The following TRPA1 variants were observed in gnomAD, a reference collection of about 807,000 sequenced individuals.
The protein encoded by TRPA1 is transient receptor potential cation channel subfamily A member 1.
Under a neutral mutation model 131.3 loss-of-function variants are expected in TRPA1, and 129 were observed. The ratio of observed to expected loss-of-function variants is 0.98; its 90% confidence interval spans 0.85 to 1.14. TRPA1 has a LOEUF of 1.14. TRPA1 is among the 50% of genes most tolerant of loss of function. The probability of loss-of-function intolerance (pLI) is 0.00; values close to 1 mark genes in which losing one functional copy is unlikely to be tolerated. For missense variants in TRPA1, 1,304 were observed against 1,354.2 expected, an observed-to-expected ratio of 0.96 and a Z score of 0.58; for synonymous variants, 441 against 451.7, an observed-to-expected ratio of 0.98 and a Z score of 0.30.
chr8:72,084,856 C>T, the TRPA1 span, among the ~76,000 whole-genome samples: 3 of 151,616 alleles, frequency 2.0e-5, no homozygotes, highest in African/African-American at 4.8e-5. Context: ...TTCATTCTGT[C>T]GGCCAGGCTG....
chr8:72,050,773 T>C lies in TRPA1; in HGVS notation c.1905+5A>G. ...CCGGGAAGAATTTTGTTTTAGAGAATTTACCTTCATGCATTCAGGGAGGTA... is the reference window on the plus strand; with the variant it reads ...CCGGGAAGAATTTTGTTTTAGAGAACTTACCTTCATGCATTCAGGGAGGTA... On this transcript the variant is annotated splice_donor_5th_base_variant and intron_variant, in intron 15 of 26. Transcript: ENST00000262209. The C allele has an allele frequency of 6.3e-7, 1 of 1,595,920 alleles. No individual in the cohort carries two copies. The highest frequency in any genetic ancestry group is 1.3e-5 in the African/African-American group (1 of 74,622).
At chr8:72,074,397 A>G (rs766186008) in intron 1 of TRPA1, among the ~76,000 whole-genome samples, 3 of 152,228 alleles carry the variant, frequency 2.0e-5, no homozygotes, top group Non-Finnish European at 4.4e-5. Context: ...TTGCAAATAA[A>G]ACAAGATCTA....
intron 24 of TRPA1, 146 bp from the exon 25 acceptor site, chr8:72,026,219 C>G: frequency 1.5e-6 from 1 of 670,998 alleles, no homozygotes; most frequent in Non-Finnish European, 2.6e-6. Context: ...GCCAGGCTTT[C>G]TTATCCCCTA....
chr8:72,084,952 G>A, the TRPA1 span, among the ~76,000 whole-genome samples: 5 of 151,940 alleles, frequency 3.3e-5, no homozygotes, highest in African/African-American at 1.2e-4. Context: ...CCCGGCCAGT[G>A]ATAAAATTTT....
At chr8:72,035,443 G>A (rs1330517383) in intron 21 of TRPA1, among the ~76,000 whole-genome samples, 1 of 152,136 alleles carries the variant, frequency 6.6e-6, no homozygotes, top group Admixed American at 6.5e-5. Flanking sequence ...CATGCTTCCT[G>A]GAGTCAGAAA....
rs555676266 is a variant in TRPA1, at chr8:72,063,198, G to A, written c.662-254C>T. On this transcript the variant is annotated intron_variant, in intron 5 of 26. Transcript: ENST00000262209. Reference sequence around the variant, plus strand: ...AGATCGAGACCAGCCTGGCCAACACGGTGAAACCCCATCCCTACTAAAAAT... The same window carrying A: ...AGATCGAGACCAGCCTGGCCAACACAGTGAAACCCCATCCCTACTAAAAAT... 9.2e-5 allele frequency among the ~76,000 whole-genome samples: 14 copies of A among 152,056 alleles called. No individual in the cohort carries two copies. In the South Asian group the frequency reaches 1.9e-3, roughly 20 times the overall value.
intron 10 of TRPA1, chr8:72,056,306 T>C (rs1446056552): frequency 1.7e-5 from 3 of 178,196 alleles, no homozygotes; most frequent in Non-Finnish European, 3.6e-5. Flanking sequence ...AAATAAAAAA[T>C]GAATGATAAA....
Position 72,034,240 on chromosome 8 carries a change from T to G in TRPA1, c.2685+8A>C. The stretch of plus-strand genomic sequence containing the variant: ...CGACAAAATCAACTACTGATGTAAC[T>G]GTCTTACCTGTAAATTCAGGAGGAT... On this transcript the variant is annotated splice_region_variant and intron_variant, in intron 22 of 26. Coordinates refer to ENST00000262209, the MANE Select transcript of TRPA1 (RefSeq NM_007332.3). 1 of 1,602,194 alleles carries G rather than the reference T, an allele frequency of 6.2e-7. No homozygotes were observed. The highest frequency in any genetic ancestry group is 8.5e-7 in the Non-Finnish European group (1 of 1,175,438).
chr8:72,026,560 G>A (rs1055719749), intron 24 of TRPA1, among the ~76,000 whole-genome samples: 3 of 152,164 alleles, frequency 2.0e-5, no homozygotes. Context: ...GAAGACAAAG[G>A]TAAGCAGTAA....
Position 72,039,005 on chromosome 8 carries a change from G to A in TRPA1, c.2155C>T (p.His719Tyr). 6.2e-7 allele frequency: 1 copy of A among 1,612,664 alleles called. No individual in the cohort carries two copies. Among genetic ancestry groups the A allele is most frequent in the Non-Finnish European group, 8.5e-7 (1 of 1,179,272 alleles). The change falls in exon 19 of 27, where the codon CAT becomes TAT. Residue 719 changes from histidine (H) to tyrosine (Y), a missense_variant. His to Tyr is a moderately conservative substitution (Grantham distance 83, BLOSUM62 2). Coordinates refer to ENST00000262209, the MANE Select transcript of TRPA1 (RefSeq NM_007332.3). ...CAGTAAGATCCTAAATTCATCATAT[G>A]AGCTCTAAATCCATAAGCCAACCTA... ...MKWLAYGFRA[H>Y]MMNLGSYCLG...
Position 72,075,446 on chromosome 8 carries a change from A to G in TRPA1, c.-37T>C. ...CGGACGCCACCTGGTGCAGCTGCTCACCACGCGCGCGGGCACCTGGGGCGA... is the reference window on the plus strand; with the variant it reads ...CGGACGCCACCTGGTGCAGCTGCTCGCCACGCGCGCGGGCACCTGGGGCGA... On this transcript the variant is annotated 5_prime_UTR_variant, in exon 1 of 27. Transcript: ENST00000262209. The G allele has an allele frequency of 6.5e-7, 1 of 1,544,426 alleles. No individual in the cohort carries two copies. Among genetic ancestry groups the G allele is most frequent in the South Asian group, 1.1e-5 (1 of 89,796 alleles).
chr8:72,026,520 C>T (rs139648735), intron 24 of TRPA1, among the ~76,000 whole-genome samples: 193 of 152,180 alleles, frequency 1.3e-3, no homozygotes, highest in African/African-American at 4.2e-3. Context: ...ACATCTAGGG[C>T]AGGAGAGAAG....
chr8:72,078,659 T>C (rs1178020520), upstream of TRPA1, among the ~76,000 whole-genome samples: 1 of 152,126 alleles, frequency 6.6e-6, no homozygotes, highest in Non-Finnish European at 1.5e-5. Flanking sequence ...ATTTATCAGT[T>C]GGTAGACATT....
chr8:72,067,481 T>C (rs2129436477), intron 3 of TRPA1, among the ~76,000 whole-genome samples: 1 of 152,272 alleles, frequency 6.6e-6, no homozygotes, highest in Non-Finnish European at 1.5e-5. Flanking sequence ...TATGAATCAG[T>C]TGGGAGCTTT....
intron 3 of TRPA1, among the ~76,000 whole-genome samples, chr8:72,067,350 T>C (rs1805956523): frequency 1.3e-5 from 2 of 152,172 alleles, no homozygotes; most frequent in Admixed American, 1.3e-4. Flanking sequence ...TCTGAAAATA[T>C]TTTTACACAT....
At chr8:72,040,796 C>G (rs1812226675) in intron 17 of TRPA1, among the ~76,000 whole-genome samples, 1 of 152,030 alleles carries the variant, frequency 6.6e-6, no homozygotes, top group Admixed American at 6.6e-5. Context: ...GCATCAAAGA[C>G]ACAGGGAAAA....
At position 72,055,437 on chromosome 8, in the gene TRPA1, T is replaced by C. The variant is rs1173170965; in HGVS notation, c.1528A>G (p.Ser510Gly). 1 of 1,612,064 alleles carries C rather than the reference T, an allele frequency of 6.2e-7. No homozygotes were observed. Among genetic ancestry groups the C allele is most frequent in the Admixed American group, 1.7e-5 (1 of 59,924 alleles). The change falls in exon 12 of 27, where the codon AGT (serine) becomes GGT (glycine). Residue 510 changes from serine (S) to glycine (G), a missense_variant and splice_region_variant. Ser to Gly is a moderately conservative substitution (Grantham distance 56, BLOSUM62 0). Transcript: ENST00000262209. The stretch of plus-strand genomic sequence containing the variant: ...AACACTCCAATCATATATCCTCACC[T>C]GAGAAACAATGCACCTTTTTTCAGA... ...LLLKKGALFL[S>G]DHNGWTALHH...
intron 15 of TRPA1, 51 bp downstream of exon 15, chr8:72,050,727 C>T: frequency 8.3e-7 from 1 of 1,200,022 alleles, no homozygotes; most frequent in Non-Finnish European, 1.2e-6. Context: ...GTGATTACAA[C>T]AACATATGTC....
intron 19 of TRPA1, 112 bp from the exon 20 acceptor site, chr8:72,038,184 T>C: frequency 1.6e-6 from 1 of 613,180 alleles, no homozygotes; most frequent in South Asian, 2.1e-5. Context: ...TTAATTTCTA[T>C]ATACTGTCCA....
Sources: gnomAD v4.1 joint callset for allele counts (sites outside exome capture counted in the v4.1 genomes callset) on GRCh38, gnomAD v4.1.1 for gene constraint, MANE v1.5 for transcripts, NCBI Gene and HGNC (gene_info 2026-07-23, HGNC 2026-07-21) for gene names.